The following NBEA variants were observed in gnomAD, a reference collection of about 807,000 sequenced individuals.
NBEA encodes lysosomal-trafficking regulator 2.
NBEA carries 44 observed loss-of-function variants against 343.4 expected under a neutral mutation model. The ratio of observed to expected loss-of-function variants is 0.13; its 90% confidence interval spans 0.10 to 0.16. The LOEUF (loss-of-function observed/expected upper bound fraction) is 0.16, where lower values mean the gene tolerates loss of function less well. NBEA is among the 10% of genes least tolerant of loss of function. NBEA has a pLI of 1.00. For synonymous variants in NBEA, 1,175 were observed against 1,238.7 expected, an observed-to-expected ratio of 0.95 and a Z score of 1.08; for missense variants, 2,555 against 3,631.3, an observed-to-expected ratio of 0.70 and a Z score of 7.62.
intron 50 of NBEA, 108 bp from the exon 51 acceptor site, chr13:35,646,151 G>T: frequency 1.1e-6 from 1 of 890,686 alleles, no homozygotes; most frequent in Non-Finnish European, 1.8e-6. Flanking sequence ...TGAATTTTCT[G>T]GACTTTTTTT....
intron 16 of NBEA, among the ~76,000 whole-genome samples, chr13:35,119,229 G>A (rs544193828): frequency 2.0e-5 from 3 of 152,090 alleles, no homozygotes; most frequent in African/African-American, 4.8e-5. Context: ...GCTTTTTAAG[G>A]AATTCTTCGT....
intron 5 of NBEA, 25 bp downstream of exon 5, chr13:35,048,709 A>G: frequency 3.3e-6 from 4 of 1,196,146 alleles, no homozygotes; most frequent in Admixed American, 4.7e-5. Context: ...TAATTTTAGT[A>G]CTTTTTTCTT....
intron 37 of NBEA, among the ~76,000 whole-genome samples, chr13:35,351,287 C>G (rs1440558636): frequency 6.6e-6 from 1 of 151,824 alleles, no homozygotes; most frequent in Non-Finnish European, 1.5e-5. Context: ...TTGTATTACA[C>G]ATTTATTAAT....
rs1197440658 is a variant in NBEA, at chr13:35,371,905, G to A, written c.6179+19582G>A. 4.6e-5 allele frequency among the ~76,000 whole-genome samples: 7 copies of A among 152,282 alleles called. No individual in the cohort carries two copies. In the East Asian group the frequency reaches 1.4e-3, roughly 29 times the overall value. ...ATCAGTTGTATCCATGATTTCCTCA[G>A]CAGCTTAGGGTGTAGTTGTTTGTGG... On this transcript the variant is annotated intron_variant, in intron 38 of 58. Transcript: ENST00000379939.
At chr13:35,478,417 C>T (rs2075975413) in intron 41 of NBEA, among the ~76,000 whole-genome samples, 1 of 152,148 alleles carries the variant, frequency 6.6e-6, no homozygotes, top group Non-Finnish European at 1.5e-5. Context: ...CCATCAGAGC[C>T]GGAGAACCTG....
At chr13:35,109,918 C>G (rs2066102771) in intron 12 of NBEA, among the ~76,000 whole-genome samples, 1 of 151,174 alleles carries the variant, frequency 6.6e-6, no homozygotes, top group African/African-American at 2.4e-5. Context: ...AGGATTTAGT[C>G]CTAGTTGAAA....
At chr13:35,066,842 ATTTC>A (rs1466715376) in intron 8 of NBEA, among the ~76,000 whole-genome samples, 1 of 151,046 alleles carries the variant, frequency 6.6e-6, no homozygotes, top group Non-Finnish European at 1.5e-5. Flanking sequence ...TGTTCTTTTT[ATTTC>A]TTTATTTCTT....
At chr13:34,965,643 A>G (rs184766442) in intron 1 of NBEA, among the ~76,000 whole-genome samples, 1 of 152,024 alleles carries the variant, frequency 6.6e-6, no homozygotes, top group Admixed American at 6.6e-5. Flanking sequence ...ATATTTTTTT[A>G]TGGATCCTTG....
chr13:35,150,793 T>TTAGAGTAGAGTAGAGTAGAG (rs71078083), intron 18 of NBEA, among the ~76,000 whole-genome samples: 3,635 of 148,320 alleles, frequency 0.025, 74 homozygotes, highest in African/African-American at 0.048. Flanking sequence ...TAATGATATT[T>TTAGAGTAGAGTAGAGTAGAG]TAGAGTAGAG....
At chr13:34,956,679 G>T (rs1225225094) in intron 1 of NBEA, among the ~76,000 whole-genome samples, 1 of 151,974 alleles carries the variant, frequency 6.6e-6, no homozygotes, top group Non-Finnish European at 1.5e-5. Flanking sequence ...AAAATCTTCT[G>T]GTTATTTTGA....
intron 45 of NBEA, among the ~76,000 whole-genome samples, chr13:35,579,006 T>C (rs747486939): frequency 5.9e-5 from 9 of 152,174 alleles, no homozygotes; most frequent in Non-Finnish European, 1.0e-4. Flanking sequence ...TTTCCACTTA[T>C]GGTGTCATGT....
chr13:35,517,038 C>A (rs1480882981), intron 41 of NBEA, among the ~76,000 whole-genome samples: 1 of 152,066 alleles, frequency 6.6e-6, no homozygotes, highest in Non-Finnish European at 1.5e-5. Flanking sequence ...CATATACAGT[C>A]AAAATTATAC....
intron 13 of NBEA, among the ~76,000 whole-genome samples, chr13:35,112,761 A>G (rs2066281198): frequency 6.6e-6 from 1 of 152,190 alleles, no homozygotes; most frequent in East Asian, 1.9e-4. Context: ...TTTTATGTAT[A>G]TATAAACACA....
intron 1 of NBEA, among the ~76,000 whole-genome samples, chr13:35,034,508 T>C (rs953359452): frequency 7.2e-5 from 11 of 151,758 alleles, no homozygotes; most frequent in East Asian, 3.9e-4. Context: ...CTGTGACTGG[T>C]TTTGGTATCC....
intron 45 of NBEA, among the ~76,000 whole-genome samples, chr13:35,580,041 A>C (rs576643539): frequency 6.6e-6 from 1 of 152,274 alleles, no homozygotes; most frequent in Non-Finnish European, 1.5e-5. Flanking sequence ...TATTGGAAAC[A>C]GTGCCTTTTT....
intron 38 of NBEA, among the ~76,000 whole-genome samples, chr13:35,381,096 C>T (rs891831709): frequency 1.3e-5 from 2 of 151,988 alleles, no homozygotes; most frequent in African/African-American, 4.8e-5. Context: ...TAATATTAAG[C>T]TATCAAAAGG....
intron 41 of NBEA, among the ~76,000 whole-genome samples, chr13:35,525,583 T>A (rs1316065118): frequency 4.6e-5 from 7 of 151,322 alleles, no homozygotes; most frequent in Non-Finnish European, 8.8e-5. Flanking sequence ...AAATAACAAA[T>A]AAAAAACAAA....
chr13:35,023,159 C>G (rs935568912), intron 1 of NBEA, among the ~76,000 whole-genome samples: 3 of 151,740 alleles, frequency 2.0e-5, no homozygotes, highest in Non-Finnish European at 4.4e-5. Context: ...TCCTGGAAAC[C>G]AAGGCTAAAA....
In NBEA at chr13:35,173,655, G is replaced by C. The variant is rs181324376; in HGVS notation, c.4554+61G>C. 16 of 1,521,092 alleles carry C rather than the reference G, an allele frequency of 1.1e-5. No homozygotes were observed. In the East Asian group the frequency reaches 3.0e-4, roughly 29 times the overall value. The allele number at this position is 1,521,092 out of a possible 1,614,324, so 94.2% of individuals were successfully genotyped here. Reference sequence around the variant, plus strand: ...ACCTGAAAAAAATCTTTTTTAAGTTGATGAGAACAAAGTGCCATGGTATTG... The same window carrying C: ...ACCTGAAAAAAATCTTTTTTAAGTTCATGAGAACAAAGTGCCATGGTATTG... On this transcript the variant is annotated intron_variant, in intron 27 of 58. Coordinates refer to ENST00000379939, the MANE Select transcript of NBEA (RefSeq NM_001385012.1).
Sources: gnomAD v4.1 joint callset for allele counts (sites outside exome capture counted in the v4.1 genomes callset) on GRCh38, gnomAD v4.1.1 for gene constraint, MANE v1.5 for transcripts, NCBI Gene and HGNC (gene_info 2026-07-23, HGNC 2026-07-21) for gene names.